Variants in ADAM12 observed in about 807,000 individuals in gnomAD.
ADAM12 encodes the protein disintegrin and metalloproteinase domain-containing protein 12.
In ADAM12, 70 loss-of-function variants were observed where a neutral mutation model predicts 106.4. The observed-to-expected ratio is 0.66, with a 90% CI of 0.54 to 0.80. The LOEUF (loss-of-function observed/expected upper bound fraction) is 0.80, where lower values mean the gene tolerates loss of function less well. Among genes scored for constraint, ADAM12 ranks in the 30% least tolerant of loss-of-function variants. The pLI is 0.00. For missense variants in ADAM12, 1,010 were observed against 1,171.9 expected (o/e 0.86, Z 2.02); for synonymous variants, 420 against 433.5 (o/e 0.97, Z 0.39).
chr10:126,203,099 G>A (rs1489547267), intron 3 of ADAM12, among the ~76,000 whole-genome samples: 3 of 152,292 alleles, frequency 2.0e-5, no homozygotes, highest in South Asian at 2.1e-4. Flanking sequence ...AAGGAAGAAT[G>A]AATTATGGAG....
intron 3 of ADAM12, among the ~76,000 whole-genome samples, chr10:126,240,685 C>T (rs1006770492): frequency 4.6e-5 from 7 of 152,130 alleles, no homozygotes; most frequent in African/African-American, 1.2e-4. Flanking sequence ...AGTGATCCTG[C>T]GGTGAAAGAG....
At chr10:126,357,498 T>G (rs2133896706) in intron 1 of ADAM12, among the ~76,000 whole-genome samples, 1 of 152,294 alleles carries the variant, frequency 6.6e-6, no homozygotes, top group Admixed American at 6.5e-5. Context: ...ATACAGAACC[T>G]GATGGCTTCT....
chr10:126,051,403 ACCC>A (rs1009975150), intron 14 of ADAM12, among the ~76,000 whole-genome samples: 3 of 151,166 alleles, frequency 2.0e-5, no homozygotes, highest in Non-Finnish European at 4.4e-5. Flanking sequence ...CCATTTATAT[ACCC>A]ATCTATCCAT....
At chr10:126,300,928 AT>A (rs138957297) in intron 2 of ADAM12, among the ~76,000 whole-genome samples, 22,711 of 152,180 alleles carry the variant, frequency 0.15, 2,116 homozygotes, top group Non-Finnish European at 0.22. Context: ...TTTCAGTTTG[AT>A]TTGCTTAATG....
At chr10:126,207,056 C>A (rs1590620439) in intron 3 of ADAM12, among the ~76,000 whole-genome samples, 1 of 152,262 alleles carries the variant, frequency 6.6e-6, no homozygotes, top group South Asian at 2.1e-4. Flanking sequence ...GCCTCCCCAG[C>A]CATGTGGAAC....
intron 2 of ADAM12, among the ~76,000 whole-genome samples, chr10:126,291,206 G>A (rs1429505120): frequency 6.6e-6 from 1 of 152,146 alleles, no homozygotes; most frequent in Non-Finnish European, 1.5e-5. Flanking sequence ...GGGGAAGTTA[G>A]CTTAAGTTGC....
chr10:126,262,240 C>T (rs1484308383), intron 3 of ADAM12, among the ~76,000 whole-genome samples: 3 of 152,026 alleles, frequency 2.0e-5, no homozygotes. Context: ...AATTTAATTA[C>T]AAATACATTC....
chr10:126,242,679 C>T (rs546949258), intron 3 of ADAM12, among the ~76,000 whole-genome samples: 15 of 152,154 alleles, frequency 9.9e-5, no homozygotes, highest in Admixed American at 7.2e-4. Flanking sequence ...GGAATAGGTA[C>T]GGAAGTGCTC....
At chr10:126,207,153 G>A (rs1957813806) in intron 3 of ADAM12, among the ~76,000 whole-genome samples, 1 of 152,126 alleles carries the variant, frequency 6.6e-6, no homozygotes, top group Admixed American at 6.5e-5. Flanking sequence ...AACACAGAAA[G>A]CAAGGATAAA....
At chr10:126,114,732 A>G (rs980121057) in intron 6 of ADAM12, among the ~76,000 whole-genome samples, 4 of 152,306 alleles carry the variant, frequency 2.6e-5, no homozygotes, top group African/African-American at 4.8e-5. Flanking sequence ...TGCCTGCTTC[A>G]GCCTCCCAAA....
intron 3 of ADAM12, among the ~76,000 whole-genome samples, chr10:126,256,359 C>T (rs1382668371): frequency 6.6e-6 from 1 of 152,174 alleles, no homozygotes; most frequent in Non-Finnish European, 1.5e-5. Context: ...GTTTTAGTTT[C>T]TAACTCTACC....
At chr10:126,305,671 T>C (rs61863879) in intron 2 of ADAM12, among the ~76,000 whole-genome samples, 7 of 152,242 alleles carry the variant, frequency 4.6e-5, no homozygotes, top group Non-Finnish European at 1.0e-4. Flanking sequence ...AAATCTCCAC[T>C]GTGATATGGT....
In ADAM12 at chr10:126,041,549, C is replaced by G. The variant is rs14606; in HGVS notation, c.2104+1491G>C. ...AGAGCCAGAGTTCACCGCCCTTTCT[C>G]CTACCTTCTTCTCCAGTTTGTTTCA... On this transcript the variant is annotated intron_variant, in intron 18 of 22. Coordinates refer to ENST00000448723, the MANE Select transcript of ADAM12 (RefSeq NM_001288973.2). The G allele has an allele frequency of 2.4e-3, 2,375 of 985,920 alleles. 52 individuals are homozygous for G. The African/African-American group carries it at 0.039, about 16-fold the overall frequency. The allele number at this position is 985,920 out of a possible 1,614,324, so 61.1% of individuals were successfully genotyped here.
At chr10:126,140,226 T>G (rs2133688514) in intron 4 of ADAM12, among the ~76,000 whole-genome samples, 1 of 152,320 alleles carries the variant, frequency 6.6e-6, no homozygotes, top group African/African-American at 2.4e-5. Flanking sequence ...CTGCTCTAAG[T>G]AGCTAAATAC....
At chr10:126,024,816 G>T (rs889258918) in intron 21 of ADAM12, among the ~76,000 whole-genome samples, 1 of 151,296 alleles carries the variant, frequency 6.6e-6, no homozygotes, top group African/African-American at 2.4e-5. Context: ...ACACTAAATG[G>T]GATTGATTCA....
At position 126,118,081 on chromosome 10, in the gene ADAM12, G is replaced by A. The variant is rs1037400567; in HGVS notation, c.560C>T (p.Ala187Val). Reference protein sequence around the residue: ...GSHHNTPNLAAKNVFPPPSQT... With the variant: ...GSHHNTPNLAVKNVFPPPSQT... Reference sequence around the variant, plus strand: ...AGAGGGTGGTGGAAACACATTCTTTGCAGCGAGGTTTGGTGTGTTGTGATG... The same window carrying A: ...AGAGGGTGGTGGAAACACATTCTTTACAGCGAGGTTTGGTGTGTTGTGATG... Residue 187 changes from alanine to valine, a missense_variant, in exon 6 of 23, where the codon GCA becomes GTA. By Grantham distance (64) the Ala-to-Val change is moderately conservative (BLOSUM62 0). Coordinates refer to ENST00000448723, the MANE Select transcript of ADAM12 (RefSeq NM_001288973.2). 1.2e-6 allele frequency: 2 copies of A among 1,614,144 alleles called. No individual in the cohort carries two copies. The highest frequency in any genetic ancestry group is 1.7e-6 in the Non-Finnish European group (2 of 1,180,006).
chr10:126,120,962 TTA>T (rs1491300561), intron 5 of ADAM12, among the ~76,000 whole-genome samples: 9 of 132,318 alleles, frequency 6.8e-5, no homozygotes, highest in African/African-American at 2.4e-4. Flanking sequence ...ATAATATATA[TTA>T]TATATTACAT....
chr10:126,048,905 GC>G (rs1025396288), intron 16 of ADAM12, among the ~76,000 whole-genome samples: 3 of 152,202 alleles, frequency 2.0e-5, no homozygotes, highest in African/African-American at 7.2e-5. Context: ...GTGAGGACAA[GC>G]CCCCAAGAAC....
intron 11 of ADAM12, among the ~76,000 whole-genome samples, chr10:126,088,219 T>C (rs1278366): frequency 0.7 from 106,726 of 151,898 alleles, 38,005 homozygotes; most frequent in East Asian, 0.82. Flanking sequence ...GATCCTGCCT[T>C]GTGTTTCTGT....
Sources: allele counts gnomAD v4.1 joint callset (sites outside exome capture counted in the v4.1 genomes callset), GRCh38; gene constraint gnomAD v4.1.1; transcripts MANE v1.5; gene names NCBI Gene and HGNC (gene_info 2026-07-23, HGNC 2026-07-21).